Variants in GRIK2 observed in about 807,000 individuals in gnomAD.
GRIK2 encodes the protein glutamate ionotropic receptor kainate type subunit 2, also known as glutamate receptor ionotropic, kainate 2.
Under a neutral mutation model 100.3 loss-of-function variants are expected in GRIK2, and 32 were observed. The ratio of observed to expected loss-of-function variants is 0.32; its 90% CI spans 0.24 to 0.43. The LOEUF (loss-of-function observed/expected upper bound fraction) is 0.43, where lower values mean the gene tolerates loss of function less well. Ranked by LOEUF, GRIK2 falls within the 20% of genes least tolerant of loss-of-function variation. The pLI, the probability that GRIK2 is intolerant of heterozygous loss-of-function variation, is 1.00. For synonymous variants in GRIK2, 417 were observed against 389.4 expected, an observed-to-expected ratio of 1.07 and a Z score of -0.83; for missense variants, 843 against 1,114.9, an observed-to-expected ratio of 0.76 and a Z score of 3.47.
At chr6:101,965,642 A>G (rs988459051) in intron 14 of GRIK2, among the ~76,000 whole-genome samples, 4 of 152,186 alleles carry the variant, frequency 2.6e-5, no homozygotes, top group Admixed American at 6.5e-5. Context: ...GAATGACACA[A>G]TAATGTATTG....
At chr6:101,889,446 A>C (rs1008936228) in intron 11 of GRIK2, among the ~76,000 whole-genome samples, 194 bp from the exon 12 acceptor site, 2 of 151,954 alleles carry the variant, frequency 1.3e-5, no homozygotes, top group Non-Finnish European at 2.9e-5. Flanking sequence ...AGAAATGATT[A>C]GTGCAATAAA....
At chr6:101,712,197 A>G (rs1773764351) in intron 7 of GRIK2, among the ~76,000 whole-genome samples, 1 of 151,810 alleles carries the variant, frequency 6.6e-6, no homozygotes, top group South Asian at 2.1e-4. Flanking sequence ...TTTTTGGGCC[A>G]TAGGATCATA....
intron 7 of GRIK2, among the ~76,000 whole-genome samples, chr6:101,710,524 C>T (rs985139288): frequency 6.6e-5 from 10 of 151,850 alleles, no homozygotes; most frequent in African/African-American, 2.2e-4. Context: ...ACTTTGAAAC[C>T]TCTATTCTCT....
intron 12 of GRIK2, among the ~76,000 whole-genome samples, chr6:101,913,470 A>G (rs139230618): frequency 8.3e-4 from 126 of 151,654 alleles, no homozygotes; most frequent in African/African-American, 2.9e-3. Context: ...TTCTATTTTC[A>G]GTATTGTTCT....
chr6:101,499,488 TG>T (rs1490812880), intron 2 of GRIK2, among the ~76,000 whole-genome samples: 2 of 152,170 alleles, frequency 1.3e-5, no homozygotes, highest in Non-Finnish European at 2.9e-5. Context: ...TTTATAAAAG[TG>T]GCAATGATAT....
intron 4 of GRIK2, among the ~76,000 whole-genome samples, chr6:101,645,199 C>T (rs1304103827): frequency 1.3e-5 from 2 of 151,292 alleles, no homozygotes; most frequent in Admixed American, 6.6e-5. Context: ...ATAATCTTAC[C>T]CAAATGAGTC....
chr6:102,034,895 A>G (rs1770183722), intron 14 of GRIK2, among the ~76,000 whole-genome samples: 1 of 151,286 alleles, frequency 6.6e-6, no homozygotes, highest in African/African-American at 2.4e-5. Flanking sequence ...AGTTGGGGGA[A>G]AACAAACAAA....
chr6:101,822,832 G>C (rs1199456007), intron 10 of GRIK2, among the ~76,000 whole-genome samples: 1 of 151,864 alleles, frequency 6.6e-6, no homozygotes, highest in African/African-American at 2.4e-5. Context: ...AGTAGTTGTA[G>C]GGTTTCAACC....
rs961401249 is a variant in GRIK2, at chr6:101,815,688, C to T, written c.1204-2682C>T. Among the ~76,000 whole-genome samples the T allele has an allele frequency of 3.3e-5, 5 of 150,970 alleles. No homozygotes were observed. In the South Asian group the frequency reaches 8.3e-4, roughly 25 times the overall value. On this transcript the variant is annotated intron_variant, in intron 9 of 16. Transcript: ENST00000369134. ...GACAAAATAGTGGTTCCCGAATAGACAAAAATAGATTGCTATCACTTTGTC... is the reference window on the plus strand; with the variant it reads ...GACAAAATAGTGGTTCCCGAATAGATAAAAATAGATTGCTATCACTTTGTC...
intron 2 of GRIK2, among the ~76,000 whole-genome samples, chr6:101,597,960 T>C (rs1261426362): frequency 6.6e-6 from 1 of 151,684 alleles, no homozygotes; most frequent in Non-Finnish European, 1.5e-5. Context: ...GGGCAGCTGT[T>C]ATGACATCAC....
At chr6:101,988,000 C>A (rs992487164) in intron 14 of GRIK2, among the ~76,000 whole-genome samples, 1 of 151,400 alleles carries the variant, frequency 6.6e-6, no homozygotes, top group African/African-American at 2.4e-5. Flanking sequence ...TTTATCGGAT[C>A]ATAAAACTGC....
In GRIK2 at chr6:101,767,866, A is replaced by AT. The variant is rs34909647; in HGVS notation, c.952-31773dup. Among the ~76,000 whole-genome samples, 24 of 147,726 alleles carry AT rather than the reference A, an allele frequency of 1.6e-4. No individual in the cohort carries two copies. In the East Asian group the frequency reaches 3.1e-3, roughly 19 times the overall value. The stretch of plus-strand genomic sequence containing the variant: ...AGATAATTATTTTATTTTTATTTTT[A>AT]TTTTTTTTTGAAACAGGGTCTGCCT... On this transcript the variant is annotated intron_variant, in intron 7 of 16. Transcript: ENST00000369134.
At chr6:101,817,426 T>G (rs1046750461) in intron 9 of GRIK2, among the ~76,000 whole-genome samples, 2 of 152,206 alleles carry the variant, frequency 1.3e-5, no homozygotes, top group Non-Finnish European at 2.9e-5. Context: ...GTTGGATACT[T>G]GTCTAGGAGA....
chr6:101,993,905 T>C (rs1466730678), intron 14 of GRIK2: 1 of 147,858 alleles, frequency 6.8e-6, no homozygotes, highest in Non-Finnish European at 1.5e-5. Flanking sequence ...TATACACACA[T>C]ATATTAATAT....
intron 15 of GRIK2, among the ~76,000 whole-genome samples, chr6:102,040,180 G>A (rs555038914): frequency 4.0e-4 from 61 of 151,096 alleles, no homozygotes; most frequent in Admixed American, 2.6e-4. Context: ...AAGATAAAGT[G>A]GACATATTTA....
intron 15 of GRIK2, among the ~76,000 whole-genome samples, chr6:102,043,220 A>T (rs896305399): frequency 1.9e-4 from 29 of 151,754 alleles, no homozygotes; most frequent in Non-Finnish European, 4.0e-4. Context: ...ATTGTGATTT[A>T]TGAATACAAT....
At chr6:101,472,595 C>T (rs555145964) in intron 2 of GRIK2, among the ~76,000 whole-genome samples, 4 of 151,938 alleles carry the variant, frequency 2.6e-5, no homozygotes, top group Non-Finnish European at 5.9e-5. Flanking sequence ...AGCCTACATA[C>T]TATTCAAAAT....
At chr6:101,399,604 A>G (rs1775166641) in intron 2 of GRIK2, among the ~76,000 whole-genome samples, 2 of 152,032 alleles carry the variant, frequency 1.3e-5, no homozygotes, top group Admixed American at 1.3e-4. Flanking sequence ...GGGAGGGCCA[A>G]TGTGTGGTAG....
intron 10 of GRIK2, among the ~76,000 whole-genome samples, chr6:101,826,395 A>G: frequency 6.6e-6 from 1 of 152,064 alleles, no homozygotes; most frequent in Non-Finnish European, 1.5e-5. Context: ...TAAAGGTTAA[A>G]AGCCTAGAAG....
Sources: gnomAD v4.1 joint callset for allele counts (sites outside exome capture counted in the v4.1 genomes callset) on GRCh38, gnomAD v4.1.1 for gene constraint, MANE v1.5 for transcripts, NCBI Gene and HGNC (gene_info 2026-07-23, HGNC 2026-07-21) for gene names.